Variants in RASA2 observed in about 807,000 individuals in gnomAD.
The protein encoded by RASA2 is ras GTPase-activating protein 2.
In RASA2, 155 loss-of-function variants were observed where a neutral mutation model predicts 118.2. The ratio of observed to expected loss-of-function variants is 1.31; its 90% CI spans 1.15 to 1.50. The LOEUF (loss-of-function observed/expected upper bound fraction) is 1.50. Ranked by LOEUF, RASA2 falls within the 40% of genes most tolerant of loss-of-function variation. RASA2 has a pLI of 0.00. For synonymous variants in RASA2, 353 were observed against 349.1 expected, an observed-to-expected ratio of 1.01 and a Z score of -0.12; for missense variants, 1,016 against 1,009.6, an observed-to-expected ratio of 1.01 and a Z score of -0.09.
chr3:141,511,106 G>A (rs1167130807), intron 1 of RASA2, among the ~76,000 whole-genome samples: 1 of 152,108 alleles, frequency 6.6e-6, no homozygotes, highest in East Asian at 1.9e-4. Flanking sequence ...GAGGTCTGCT[G>A]GATTTGCTAA....
At chr3:141,564,015 A>G (rs866565424) in intron 9 of RASA2, among the ~76,000 whole-genome samples, 6 of 147,218 alleles carry the variant, frequency 4.1e-5, no homozygotes, top group African/African-American at 1.0e-4. Flanking sequence ...TATTTTGTCT[A>G]TGGGGATTTC....
At chr3:141,612,187 A>G (rs1187392051) in intron 23 of RASA2, 96 bp from the exon 24 acceptor site, 1 of 925,750 alleles carries the variant, frequency 1.1e-6, no homozygotes, top group Non-Finnish European at 1.7e-6. Flanking sequence ...GAGATTATCC[A>G]GGGAAAATTC....
intron 1 of RASA2, among the ~76,000 whole-genome samples, chr3:141,494,561 GT>G (rs1385123418): frequency 6.6e-6 from 1 of 152,102 alleles, no homozygotes; most frequent in African/African-American, 2.4e-5. Context: ...TAGAGACGGG[GT>G]TTCACCATGT....
chr3:141,522,791 G>A (rs1256147291), intron 3 of RASA2, among the ~76,000 whole-genome samples: 1 of 152,128 alleles, frequency 6.6e-6, no homozygotes, highest in Non-Finnish European at 1.5e-5. Context: ...AGGAAACTCT[G>A]GACTTCCTGG....
chr3:141,612,553 T>C lies in RASA2; in HGVS notation c.*240T>C, dbSNP rs944944022. ...ATACCTGTGTGACCAAATCCATGTT[T>C]CTGCAACTTCTTTTTAATCGAAAGA... On this transcript the variant is annotated 3_prime_UTR_variant, in exon 24 of 24. Coordinates refer to ENST00000286364, the MANE Select transcript of RASA2 (RefSeq NM_006506.5). The C allele has an allele frequency of 5.3e-6, 2 of 378,890 alleles. No individual in the cohort carries two copies. Among genetic ancestry groups the C allele is most frequent in the Non-Finnish European group, 9.7e-6 (2 of 206,990 alleles). 23.5% of individuals were successfully genotyped at this position (378,890 alleles called of 1,614,324 possible).
chr3:141,577,692 A>G (rs960155642), intron 15 of RASA2, among the ~76,000 whole-genome samples: 2 of 152,328 alleles, frequency 1.3e-5, no homozygotes, highest in African/African-American at 4.8e-5. Flanking sequence ...AAACAGAAAA[A>G]GAAACCAAGA....
At position 141,497,752 on chromosome 3, in the gene RASA2, G is replaced by C. The variant is rs1215925445; in HGVS notation, c.133+10536G>C. Among the ~76,000 whole-genome samples the C allele has an allele frequency of 2.0e-5, 3 of 151,036 alleles. No homozygotes were observed. In the East Asian group the frequency reaches 5.8e-4, roughly 29 times the overall value. On this transcript the variant is annotated intron_variant, in intron 1 of 23. Transcript: ENST00000286364. Reference sequence around the variant, plus strand: ...ATAGTGGTGTGTGTCTTCAGCCCTAGCTATTAATACTTGGAATGCTGAGGC... The same window carrying C: ...ATAGTGGTGTGTGTCTTCAGCCCTACCTATTAATACTTGGAATGCTGAGGC...
intron 5 of RASA2, among the ~76,000 whole-genome samples, chr3:141,541,138 C>T (rs760887243): frequency 6.6e-6 from 1 of 152,162 alleles, no homozygotes; most frequent in Non-Finnish European, 1.5e-5. Context: ...AACCCTTACT[C>T]TGTGATATCA....
intron 5 of RASA2, among the ~76,000 whole-genome samples, chr3:141,553,130 A>G (rs904625841): frequency 6.6e-6 from 1 of 152,186 alleles, no homozygotes; most frequent in Non-Finnish European, 1.5e-5. Flanking sequence ...AAGGCTGCAG[A>G]ATTGTGTGAA....
intron 2 of RASA2, among the ~76,000 whole-genome samples, chr3:141,515,620 G>C (rs1255625300): frequency 6.6e-6 from 1 of 152,036 alleles, no homozygotes; most frequent in Non-Finnish European, 1.5e-5. Flanking sequence ...GATATTATTT[G>C]GCCAGGAACA....
chr3:141,494,175 T>C (rs1220864879), intron 1 of RASA2, among the ~76,000 whole-genome samples: 1 of 152,250 alleles, frequency 6.6e-6, no homozygotes, highest in Non-Finnish European at 1.5e-5. Context: ...TGTCTTTTTG[T>C]AGGATACATT....
chr3:141,536,941 T>C (rs2082335987), intron 4 of RASA2, among the ~76,000 whole-genome samples: 3 of 152,078 alleles, frequency 2.0e-5, no homozygotes, highest in Admixed American at 2.0e-4. Flanking sequence ...GAGACGGGGT[T>C]TCTCCGTGTT....
rs139406427 is a variant in RASA2 at position 141,539,843 on chromosome 3, G to A, written c.451-690G>A. 2.4e-3 allele frequency among the ~76,000 whole-genome samples: 363 copies of A among 152,194 alleles called. 3 individuals are homozygous for A. Among genetic ancestry groups the A allele is most frequent in the African/African-American group, 8.1e-3 (337 of 41,524 alleles). On this transcript the variant is annotated intron_variant, in intron 4 of 23. Coordinates refer to ENST00000286364, the MANE Select transcript of RASA2 (RefSeq NM_006506.5). ...TACACTACTTAATTTTTAAAAATTC[G>A]TCTATTAATATCTCTTTAAGAAAGT...
At chr3:141,593,294 A>G (rs990338970) in intron 19 of RASA2, among the ~76,000 whole-genome samples, 4 of 152,014 alleles carry the variant, frequency 2.6e-5, no homozygotes, top group Non-Finnish European at 5.9e-5. Flanking sequence ...TGATTCACCC[A>G]CCTTGGCCTC....
chr3:141,498,601 C>T (rs1045963507), intron 1 of RASA2, among the ~76,000 whole-genome samples: 3 of 152,044 alleles, frequency 2.0e-5, no homozygotes, highest in Admixed American at 2.0e-4. Context: ...CACATACACA[C>T]CTTTATATGC....
intron 4 of RASA2, among the ~76,000 whole-genome samples, chr3:141,532,845 A>T (rs1156273849): frequency 6.6e-6 from 1 of 152,076 alleles, no homozygotes; most frequent in African/African-American, 2.4e-5. Flanking sequence ...ATCATTTCTT[A>T]TATTCCTATG....
rs541754252 is a variant in RASA2, at chr3:141,592,066, T to TA, written c.1933+5322dup. ...AGATCTTTACTAAGACAATAAACAG[T>TA]AAAAAAAAGAAAATTATATTTATGT... On this transcript the variant is annotated intron_variant, in intron 19 of 23. Coordinates refer to ENST00000286364, the MANE Select transcript of RASA2 (RefSeq NM_006506.5). 4.9e-3 allele frequency among the ~76,000 whole-genome samples: 733 copies of TA among 151,060 alleles called. 8 individuals carry two copies. The highest frequency in any genetic ancestry group is 0.017 in the African/African-American group (692 of 41,194).
At chr3:141,497,532 T>A (rs1388584521) in intron 1 of RASA2, among the ~76,000 whole-genome samples, 1 of 152,052 alleles carries the variant, frequency 6.6e-6, no homozygotes, top group Non-Finnish European at 1.5e-5. Context: ...TTTGTAACAT[T>A]TTGAGTGCTA....
intron 2 of RASA2, among the ~76,000 whole-genome samples, chr3:141,512,924 G>A (rs946827961): frequency 6.6e-6 from 1 of 152,012 alleles, no homozygotes; most frequent in African/African-American, 2.4e-5. Context: ...TTAGTTGGGC[G>A]TGGTGCTGGG....
Sources: allele counts gnomAD v4.1 joint callset (sites outside exome capture counted in the v4.1 genomes callset), GRCh38; gene constraint gnomAD v4.1.1; transcripts MANE v1.5; gene names NCBI Gene and HGNC (gene_info 2026-07-23, HGNC 2026-07-21).